The following CHN1 variants were observed in gnomAD, a reference collection of about 807,000 sequenced individuals.
CHN1 encodes N-chimaerin.
A neutral mutation model predicts 59.5 loss-of-function variants in CHN1; 37 were observed. The observed-to-expected ratio is 0.62, with a 90% CI of 0.48 to 0.82. The LOEUF is 0.82. Among genes scored for constraint, CHN1 ranks in the 40% least tolerant of loss-of-function variants. The pLI, the probability that CHN1 is intolerant of heterozygous loss-of-function variation, is 0.00. For missense variants in CHN1, 469 were observed against 571.0 expected, an observed-to-expected ratio of 0.82 and a Z score of 1.82; for synonymous variants, 206 against 200.4, an observed-to-expected ratio of 1.03 and a Z score of -0.24.
At chr2:174,896,223 G>A (rs928607537) in intron 5 of CHN1, among the ~76,000 whole-genome samples, 2 of 152,034 alleles carry the variant, frequency 1.3e-5, no homozygotes, top group Admixed American at 1.3e-4. Flanking sequence ...ACTGAATACT[G>A]CTACATAACG....
At chr2:174,818,187 T>C (rs893029061) in intron 8 of CHN1, among the ~76,000 whole-genome samples, 3 of 152,248 alleles carry the variant, frequency 2.0e-5, no homozygotes, top group Admixed American at 6.5e-5. Context: ...GGGAAATGTT[T>C]TCTAAACTGA....
intron 1 of CHN1, among the ~76,000 whole-genome samples, chr2:174,997,895 G>C (rs936663717): frequency 6.6e-6 from 1 of 150,416 alleles, no homozygotes; most frequent in Admixed American, 6.7e-5. Flanking sequence ...GCTGATGCAG[G>C]AGAATCGCTC....
chr2:175,000,382 T>A (rs1045752525), intron 1 of CHN1, among the ~76,000 whole-genome samples: 1 of 151,500 alleles, frequency 6.6e-6, no homozygotes, highest in Non-Finnish European at 1.5e-5. Flanking sequence ...CAAGTGATCA[T>A]CCACCTTAGC....
intron 7 of CHN1, among the ~76,000 whole-genome samples, chr2:174,824,742 C>CT (rs1169971766): frequency 6.6e-6 from 1 of 152,118 alleles, no homozygotes; most frequent in Admixed American, 6.6e-5. Flanking sequence ...TCCTGAGTAG[C>CT]TGGGACTACA....
chr2:174,936,105 C>T (rs1441696608), intron 3 of CHN1, among the ~76,000 whole-genome samples: 2 of 152,042 alleles, frequency 1.3e-5, no homozygotes, highest in Admixed American at 6.6e-5. Flanking sequence ...ACATTTTGTC[C>T]AGCCTCAGTC....
intron 3 of CHN1, among the ~76,000 whole-genome samples, chr2:174,938,799 C>G (rs1300272853): frequency 6.6e-6 from 1 of 152,042 alleles, no homozygotes; most frequent in Non-Finnish European, 1.5e-5. Context: ...TTCTGAACAG[C>G]ATTCCTTGCC....
Position 174,971,243 on chromosome 2 carries a change from G to A in CHN1, c.20-19041C>T, listed in dbSNP as rs113042594. Among the ~76,000 whole-genome samples, 545 of 152,284 alleles carry A rather than the reference G, an allele frequency of 3.6e-3. 1 individual carries two copies. The highest frequency in any genetic ancestry group is 9.0e-3 in the African/African-American group (375 of 41,552). ...TGAGGCAGGAGAATGGCATGAACCC[G>A]GGAGGCGGAGCTTGCAGTGAGCCGA... On this transcript the variant is annotated intron_variant, in intron 1 of 12. Coordinates refer to ENST00000409900, the MANE Select transcript of CHN1 (RefSeq NM_001822.7).
chr2:174,879,368 A>G (rs1017189236), intron 5 of CHN1, among the ~76,000 whole-genome samples: 1 of 152,226 alleles, frequency 6.6e-6, no homozygotes. Flanking sequence ...CTTTAATAAC[A>G]ATTTAATCTA....
At chr2:174,992,208 GA>G (rs1234270157) in intron 1 of CHN1, among the ~76,000 whole-genome samples, 1 of 152,206 alleles carries the variant, frequency 6.6e-6, no homozygotes, top group Non-Finnish European at 1.5e-5. Context: ...AGAGAGGATG[GA>G]AGAATAAACA....
At position 175,004,977 on chromosome 2, in the gene CHN1, C is replaced by A; in HGVS notation, c.-65G>T. 1.3e-6 allele frequency: 2 copies of A among 1,509,418 alleles called. No individual in the cohort carries two copies. The highest frequency in any genetic ancestry group is 1.2e-5 in the South Asian group (1 of 81,162). The allele number at this position is 1,509,418 out of a possible 1,614,324, so 93.5% of individuals were successfully genotyped here. On this transcript the variant is annotated 5_prime_UTR_variant, in exon 1 of 13. The change abolishes an upstream ATG in the 5' untranslated region. Transcript: ENST00000409900. ...CTCCCAGGCGGGCTAGGGATCACCT[C>A]ATCAGCCCGCCGCACCCACACCTCG...
chr2:174,991,998 C>T (rs1056347325), intron 1 of CHN1, among the ~76,000 whole-genome samples: 2 of 152,116 alleles, frequency 1.3e-5, no homozygotes, highest in Non-Finnish European at 2.9e-5. Flanking sequence ...GAAATGCATT[C>T]ACAAATGTCA....
chr2:174,949,500 G>C (rs967580586), intron 2 of CHN1, among the ~76,000 whole-genome samples: 1 of 152,004 alleles, frequency 6.6e-6, no homozygotes. Context: ...GGGACCACAG[G>C]AGTACAACAC....
chr2:174,996,217 T>C (rs1004042873), intron 1 of CHN1, among the ~76,000 whole-genome samples: 1 of 152,136 alleles, frequency 6.6e-6, no homozygotes, highest in African/African-American at 2.4e-5. Context: ...TAACAGAAAG[T>C]GTCATAGTGG....
intron 1 of CHN1, among the ~76,000 whole-genome samples, chr2:174,982,821 T>C (rs1373601505): frequency 6.6e-6 from 1 of 152,162 alleles, no homozygotes; most frequent in Non-Finnish European, 1.5e-5. Flanking sequence ...AAATATTGTG[T>C]TCTTTTTTTA....
chr2:174,965,238 G>A (rs940331616), intron 1 of CHN1, among the ~76,000 whole-genome samples: 3 of 151,804 alleles, frequency 2.0e-5, no homozygotes, highest in Non-Finnish European at 1.5e-5. Flanking sequence ...ATTTACATCC[G>A]CTATATCTAT....
At chr2:174,999,518 A>G (rs1691815872) in intron 1 of CHN1, among the ~76,000 whole-genome samples, 1 of 152,214 alleles carries the variant, frequency 6.6e-6, no homozygotes, top group Non-Finnish European at 1.5e-5. Context: ...TGAAAAACCT[A>G]TAACTTATTA....
chr2:174,855,399 T>C (rs919816774), intron 6 of CHN1, among the ~76,000 whole-genome samples: 3 of 152,170 alleles, frequency 2.0e-5, no homozygotes, highest in Non-Finnish European at 4.4e-5. Context: ...TCAGGTTTAG[T>C]GAAATCCTGC....
intron 7 of CHN1, among the ~76,000 whole-genome samples, chr2:174,840,827 G>A (rs1326104903): frequency 6.6e-6 from 1 of 152,082 alleles, no homozygotes; most frequent in Admixed American, 6.6e-5. Flanking sequence ...CATGGACATG[G>A]AACAAGAGGC....
chr2:174,910,923 A>AG (rs1688683829), intron 5 of CHN1, among the ~76,000 whole-genome samples: 1 of 146,094 alleles, frequency 6.8e-6, no homozygotes, highest in Admixed American at 6.9e-5. Context: ...AAAAAAAAAA[A>AG]AGAGAAAGTA....
Sources: gnomAD v4.1 joint callset for allele counts (sites outside exome capture counted in the v4.1 genomes callset) on GRCh38, gnomAD v4.1.1 for gene constraint, MANE v1.5 for transcripts, NCBI Gene and HGNC (gene_info 2026-07-23, HGNC 2026-07-21) for gene names.